Variants in AVEN observed in about 807,000 individuals in gnomAD.
AVEN encodes the protein cell death regulator Aven.
Under a neutral mutation model 38.1 loss-of-function variants are expected in AVEN, and 41 were observed. The ratio of observed to expected loss-of-function variants is 1.08; its 90% confidence interval spans 0.84 to 1.40. The LOEUF is 1.40. Among genes scored for constraint, AVEN ranks in the 40% most tolerant of loss-of-function variants. AVEN has a pLI of 0.00. For synonymous variants in AVEN, 206 were observed against 171.8 expected (o/e 1.20, Z -1.56); for missense variants, 605 against 438.8 (o/e 1.38, Z -3.38).
intron 1 of AVEN, among the ~76,000 whole-genome samples, chr15:34,016,643 G>C (rs910265938): frequency 2.0e-5 from 3 of 152,122 alleles, no homozygotes; most frequent in Admixed American, 6.6e-5. Context: ...CTAAAGCCAA[G>C]TGTCTCTGCC....
chr15:34,044,886 A>G (rs1899629482), intron 5 of AVEN, among the ~76,000 whole-genome samples: 1 of 152,156 alleles, frequency 6.6e-6, no homozygotes, highest in African/African-American at 2.4e-5. Flanking sequence ...CCGTCTCTTA[A>G]AAATACAAAA....
At chr15:33,857,875 C>T (rs202170755), downstream of AVEN, 166 of 1,614,174 alleles carry the variant, frequency 1.0e-4, no homozygotes, top group South Asian at 1.3e-3. Flanking sequence ...AAAGCGAAGA[C>T]GATGACGAGC....
intron 2 of AVEN, among the ~76,000 whole-genome samples, chr15:33,914,851 C>T (rs1893063973): frequency 6.6e-6 from 1 of 151,666 alleles, no homozygotes; most frequent in Non-Finnish European, 1.5e-5. Flanking sequence ...TAAATGTATT[C>T]CTTAGCTCTC....
intron 1 of AVEN, among the ~76,000 whole-genome samples, chr15:34,033,300 G>A (rs1898949160): frequency 6.6e-6 from 1 of 152,166 alleles, no homozygotes; most frequent in East Asian, 1.9e-4. Flanking sequence ...GACCTCAGGA[G>A]TTCAAAACCA....
At chr15:34,017,175 T>G (rs1214937963) in intron 1 of AVEN, among the ~76,000 whole-genome samples, 1 of 151,928 alleles carries the variant, frequency 6.6e-6, no homozygotes, top group Non-Finnish European at 1.5e-5. Context: ...TCACCTACAA[T>G]GAATCCAACC....
At chr15:34,058,555 A>AACAC (rs3027963) in intron 5 of AVEN, among the ~76,000 whole-genome samples, 13,582 of 143,090 alleles carry the variant, frequency 0.095, 777 homozygotes, top group East Asian at 0.15. Flanking sequence ...CTTTAATTCT[A>AACAC]ACACACACAC....
At chr15:33,854,250 G>T, downstream of AVEN, 1 of 673,682 alleles carries the variant, frequency 1.5e-6, no homozygotes, top group Non-Finnish European at 2.6e-6. Flanking sequence ...GTCTCATGGG[G>T]AGCACATACA....
chr15:33,987,808 T>C (rs1195560451), intron 2 of AVEN, among the ~76,000 whole-genome samples: 2 of 152,198 alleles, frequency 1.3e-5, no homozygotes, highest in African/African-American at 2.4e-5. Flanking sequence ...CAGCGCTGCA[T>C]GCAGAAGCTG....
chr15:33,867,444 T>TTGAAAA, intron 5 of AVEN, 51 bp downstream of exon 5: 1 of 1,533,588 alleles, frequency 6.5e-7, no homozygotes, highest in Non-Finnish European at 8.7e-7. Flanking sequence ...GGGGCTGTTC[T>TTGAAAA]TGAAAAAACA....
intron 4 of AVEN, among the ~76,000 whole-genome samples, chr15:33,870,684 C>A (rs1890907789): frequency 6.6e-6 from 1 of 152,184 alleles, no homozygotes; most frequent in African/African-American, 2.4e-5. Context: ...AATAGCCAGA[C>A]TTTATATTTT....
intron 1 of AVEN, among the ~76,000 whole-genome samples, chr15:34,073,229 G>GTTTT (rs1900665710): frequency 2.3e-5 from 1 of 43,690 alleles, no homozygotes. Context: ...TTTTTTTTTT[G>GTTTT]TATTTTTAGT....
chr15:33,914,242 A>T (rs1483162857), intron 2 of AVEN, among the ~76,000 whole-genome samples: 1 of 152,160 alleles, frequency 6.6e-6, no homozygotes, highest in African/African-American at 2.4e-5. Flanking sequence ...ATAAACATAC[A>T]GTAGCAGCTA....
intron 2 of AVEN, among the ~76,000 whole-genome samples, chr15:33,903,821 AGGT>A (rs57392161): frequency 0.46 from 70,098 of 151,856 alleles, 17,670 homozygotes; most frequent in East Asian, 0.57. Flanking sequence ...ATTCATCATT[AGGT>A]GATTTGTCAT....
At chr15:33,865,398 T>TAATGGACATACA, downstream of AVEN, 1 of 588,730 alleles carries the variant, frequency 1.7e-6, no homozygotes, top group Non-Finnish European at 3.0e-6. Flanking sequence ...TTTTTGTGCC[T>TAATGGACATACA]AATGGACATA....
At chr15:34,064,313 C>T in intron 4 of AVEN, 1 of 1,609,752 alleles carries the variant, frequency 6.2e-7, no homozygotes, top group South Asian at 1.1e-5. Context: ...GCAAGCTACC[C>T]TGAAAAGTCA....
rs112320504 is a variant in AVEN, at chr15:33,945,784, G to A, written c.445+57248C>T. Among the ~76,000 whole-genome samples the A allele has an allele frequency of 4.3e-4, 66 of 152,082 alleles. No individual in the cohort carries two copies. In the South Asian group the frequency reaches 0.013, roughly 30 times the overall value. ...TGTATTTTCGTAGAGACGGGGTTTC[G>A]CTATGTTGGCCAGGATAGTCTCGAT... On this transcript the variant is annotated intron_variant, in intron 2 of 5. Coordinates refer to ENST00000306730, the MANE Select transcript of AVEN (RefSeq NM_020371.3).
intron 5 of AVEN, chr15:34,062,815 T>C (rs1296613659): frequency 1.9e-6 from 3 of 1,614,226 alleles, no homozygotes; most frequent in East Asian, 2.2e-5. Flanking sequence ...GTCATCACCA[T>C]TGCAGCTGTG....
rs746434314 is a variant in AVEN, at chr15:33,904,726, C to CACACACACAT, written c.446-28732_446-28731insATGTGTGTGT. Among the ~76,000 whole-genome samples, 846 of 149,752 alleles carry CACACACACAT rather than the reference C, an allele frequency of 5.6e-3. 9 individuals are homozygous for CACACACACAT. Among genetic ancestry groups the CACACACACAT allele is most frequent in the African/African-American group, 0.018 (731 of 40,276 alleles). Reference sequence around the variant, plus strand: ...ATATATATATATATATACACACACACACGAATATGCACGCTTGCACACACA... The same window carrying CACACACACAT: ...ATATATATATATATATACACACACACACACACACATACGAATATGCACGCTTGCACACACA... On this transcript the variant is annotated intron_variant, in intron 2 of 5. Coordinates refer to ENST00000306730, the MANE Select transcript of AVEN (RefSeq NM_020371.3).
downstream of AVEN, chr15:33,864,051 C>A (rs1403972774): frequency 7.3e-6 from 7 of 965,214 alleles, no homozygotes; most frequent in African/African-American, 5.0e-5. Flanking sequence ...GACCAACTAG[C>A]CTTTCTGAGC....
Sources: allele counts gnomAD v4.1 joint callset (sites outside exome capture counted in the v4.1 genomes callset), GRCh38; gene constraint gnomAD v4.1.1; transcripts MANE v1.5; gene names NCBI Gene and HGNC (gene_info 2026-07-23, HGNC 2026-07-21).